The following AOPEP variants were observed in gnomAD, a reference collection of about 807,000 sequenced individuals.
AOPEP encodes aminopeptidase O (putative).
AOPEP carries 77 observed loss-of-function variants against 98.1 expected under a neutral mutation model. The observed-to-expected ratio is 0.78, with a 90% CI of 0.65 to 0.95. The LOEUF is 0.95. Ranked by LOEUF, AOPEP falls within the 40% of genes least tolerant of loss-of-function variation. AOPEP has a pLI of 0.00. For missense variants in AOPEP, 1,024 were observed against 1,024.7 expected (o/e 1.00, Z 0.01); for synonymous variants, 346 against 365.3 (o/e 0.95, Z 0.60).
chr9:94,771,216 T>G (rs931563997), intron 2 of AOPEP, among the ~76,000 whole-genome samples: 6 of 152,158 alleles, frequency 3.9e-5, no homozygotes, highest in African/African-American at 1.4e-4. Flanking sequence ...TTCTTCCCTG[T>G]GCAGGCAAGG....
the AOPEP span, chr9:95,114,424 G>A: frequency 4.5e-6 from 3 of 659,714 alleles, no homozygotes; most frequent in Non-Finnish European, 8.3e-6. Flanking sequence ...ATGCATACAT[G>A]CGCATGCCTA....
At chr9:95,143,998 A>G in the AOPEP span, among the ~76,000 whole-genome samples, 2 of 152,238 alleles carry the variant, frequency 1.3e-5, no homozygotes, top group African/African-American at 4.8e-5. Context: ...GACCAAAGAC[A>G]CCAGCCAATT....
chr9:94,801,003 G>T lies in AOPEP; in HGVS notation c.1364+1G>T. On this transcript the variant is annotated splice_donor_variant, in intron 5 of 16. Coordinates refer to ENST00000375315, the MANE Select transcript of AOPEP (RefSeq NM_001193329.3). LOFTEE classifies it high-confidence loss of function. Reference sequence around the variant, plus strand: ...ACTTTCCAAGTCTGGGGATGGCCAGGTATGTTGTTCCATTGTGGCACTTGG... The same window carrying T: ...ACTTTCCAAGTCTGGGGATGGCCAGTTATGTTGTTCCATTGTGGCACTTGG... 2 of 1,613,916 alleles carry T rather than the reference G, an allele frequency of 1.2e-6. No homozygotes were observed. Among genetic ancestry groups the T allele is most frequent in the Non-Finnish European group, 1.7e-6 (2 of 1,179,768 alleles).
At chr9:95,034,115 C>G (rs1252254603) in intron 13 of AOPEP, among the ~76,000 whole-genome samples, 1 of 152,132 alleles carries the variant, frequency 6.6e-6, no homozygotes, top group South Asian at 2.1e-4. Flanking sequence ...TGAGTCCTGA[C>G]GTTGATACTG....
chr9:95,064,113 A>G (rs1041147627), intron 14 of AOPEP, among the ~76,000 whole-genome samples: 2 of 152,200 alleles, frequency 1.3e-5, no homozygotes, highest in Non-Finnish European at 2.9e-5. Flanking sequence ...AATGTGAGGA[A>G]ACAGATTGTA....
intron 1 of AOPEP, among the ~76,000 whole-genome samples, chr9:94,747,147 G>T (rs144743564): frequency 6.6e-6 from 1 of 151,566 alleles, no homozygotes; most frequent in African/African-American, 2.4e-5. Context: ...AGTAAATTTA[G>T]AGCAAAGAGA....
chr9:95,113,226 C>A, the AOPEP span, among the ~76,000 whole-genome samples: 1 of 152,198 alleles, frequency 6.6e-6, no homozygotes, highest in Admixed American at 6.5e-5. Flanking sequence ...AAGGAGTGAG[C>A]AGCTGGCACC....
chr9:94,813,224 G>T (rs572252500), intron 5 of AOPEP, among the ~76,000 whole-genome samples: 1 of 152,258 alleles, frequency 6.6e-6, no homozygotes, highest in South Asian at 2.1e-4. Context: ...TAGCTCAAAG[G>T]GAGGGGTAAG....
chr9:95,125,031 C>T, the AOPEP span: 1 of 1,473,248 alleles, frequency 6.8e-7, no homozygotes, highest in South Asian at 1.1e-5. Flanking sequence ...CCAAAATACT[C>T]TCAACAGCGT....
At chr9:95,105,825 G>A in the AOPEP span, among the ~76,000 whole-genome samples, 1 of 152,206 alleles carries the variant, frequency 6.6e-6, no homozygotes, top group Non-Finnish European at 1.5e-5. Flanking sequence ...TCTTCAGGCT[G>A]AACAGTACTC....
intron 9 of AOPEP, among the ~76,000 whole-genome samples, chr9:94,967,109 C>G (rs2059249359): frequency 6.6e-6 from 1 of 151,964 alleles, no homozygotes; most frequent in Admixed American, 6.6e-5. Context: ...TGAAATTTTC[C>G]ATAGTAAAGG....
chr9:95,072,237 A>G lies in AOPEP; in HGVS notation c.2233-8457A>G, dbSNP rs571695579. On this transcript the variant is annotated intron_variant, in intron 14 of 16. Coordinates refer to ENST00000375315, the MANE Select transcript of AOPEP (RefSeq NM_001193329.3). ...AGCCATGCCATGCCCACGTATTTAC[A>G]TGTTGTCTAAGGCTGCTTTGACCAA... Among the ~76,000 whole-genome samples the G allele has an allele frequency of 1.4e-4, 22 of 152,364 alleles. 1 individual carries two copies. In the South Asian group the frequency reaches 3.3e-3, roughly 23 times the overall value.
chr9:94,730,542 G>T (rs553704769), intron 1 of AOPEP, among the ~76,000 whole-genome samples: 1 of 152,090 alleles, frequency 6.6e-6, no homozygotes, highest in Non-Finnish European at 1.5e-5. Context: ...CTCATAAAGC[G>T]TGTAACTTAC....
At chr9:94,859,095 C>A (rs143163703) in intron 5 of AOPEP, among the ~76,000 whole-genome samples, 1 of 151,336 alleles carries the variant, frequency 6.6e-6, no homozygotes, top group East Asian at 1.9e-4. Flanking sequence ...TCAGCCTGGG[C>A]GACAGAGTGA....
rs1473048482 is a variant in AOPEP at position 94,887,983 on chromosome 9, G to GA, written c.1365-36003_1365-36002insA. On this transcript the variant is annotated intron_variant, in intron 5 of 16. Transcript: ENST00000375315. ...CATGTTGAAAGCTATCCAAGTATAA[G>GA]GCCATTGTTTGCTTTGACTATTGAA... Among the ~76,000 whole-genome samples the GA allele has an allele frequency of 6.6e-5, 10 of 152,190 alleles. No homozygotes were observed. The South Asian group carries it at 2.1e-3, about 32-fold the overall frequency.
intron 5 of AOPEP, among the ~76,000 whole-genome samples, chr9:94,877,431 T>TC (rs1030364201): frequency 2.0e-5 from 3 of 150,690 alleles, no homozygotes; most frequent in African/African-American, 7.3e-5. Flanking sequence ...TCTTTTCTTT[T>TC]TTTTTTTTTT....
chr9:94,834,101 C>G (rs1263908065), intron 5 of AOPEP, among the ~76,000 whole-genome samples: 1 of 151,972 alleles, frequency 6.6e-6, no homozygotes, highest in Non-Finnish European at 1.5e-5. Context: ...AATGACACTA[C>G]CGGAATACAG....
chr9:94,935,555 T>G (rs149076713), intron 7 of AOPEP, among the ~76,000 whole-genome samples: 1 of 152,226 alleles, frequency 6.6e-6, no homozygotes, highest in Non-Finnish European at 1.5e-5. Flanking sequence ...CCAGGGTGCA[T>G]GTACCCCTGC....
At chr9:94,783,636 G>A (rs1457125100) in intron 3 of AOPEP, among the ~76,000 whole-genome samples, 1 of 152,136 alleles carries the variant, frequency 6.6e-6, no homozygotes, top group Non-Finnish European at 1.5e-5. Context: ...CAGCCAAAAT[G>A]GGGAGCTCTC....
Sources: gnomAD v4.1 joint callset for allele counts (sites outside exome capture counted in the v4.1 genomes callset) on GRCh38, gnomAD v4.1.1 for gene constraint, MANE v1.5 for transcripts, NCBI Gene and HGNC (gene_info 2026-07-23, HGNC 2026-07-21) for gene names.